The following ATP2B2 variants were observed in gnomAD, a reference collection of about 807,000 sequenced individuals.
ATP2B2 encodes ATPase plasma membrane Ca2+ transporting 2, also known as plasma membrane calcium-transporting ATPase 2.
Under a neutral mutation model 120.0 loss-of-function variants are expected in ATP2B2, and 15 were observed. That is an observed-to-expected ratio of 0.12 (90% CI 0.08 to 0.19). The LOEUF is 0.19. Ranked by LOEUF, ATP2B2 falls within the 10% of genes least tolerant of loss-of-function variation. The probability of loss-of-function intolerance (pLI) is 1.00; values close to 1 mark genes in which losing one functional copy is unlikely to be tolerated. For missense variants in ATP2B2, 1,045 were observed against 1,719.8 expected (o/e 0.61, Z 6.94); for synonymous variants, 694 against 700.3 (o/e 0.99, Z 0.14).
intron 2 of ATP2B2, among the ~76,000 whole-genome samples, chr3:10,548,129 A>ATCT (rs1419807676): frequency 4.6e-5 from 7 of 152,228 alleles, no homozygotes; most frequent in Admixed American, 1.3e-4. Flanking sequence ...GGTTCTAAGG[A>ATCT]GTAGAGCCCA....
At chr3:10,680,992 C>T (rs1392261709) in intron 1 of ATP2B2, among the ~76,000 whole-genome samples, 4 of 152,124 alleles carry the variant, frequency 2.6e-5, no homozygotes, top group Non-Finnish European at 4.4e-5. Context: ...AGTGTGCTCT[C>T]GCGAGATCTG....
In ATP2B2 at chr3:10,343,880, G is replaced by A. The variant is rs1006040736; in HGVS notation, c.2704-915C>T. Among the ~76,000 whole-genome samples, 11 of 151,716 alleles carry A rather than the reference G, an allele frequency of 7.3e-5. No homozygotes were observed. Among genetic ancestry groups the A allele is most frequent in the Admixed American group, 2.6e-4 (4 of 15,210 alleles). ...CTGCCTCAGCCCCATTCTCCTCCTC[G>A]TCCTGTGGCTTTAGTTACATCCGTC... On this transcript the variant is annotated intron_variant, in intron 18 of 22. Transcript: ENST00000360273. The surrounding 1 kb of genome is among the most constrained non-coding windows in gnomAD (Gnocchi z 4.2).
At chr3:10,556,662 A>G (rs1036255223) in intron 2 of ATP2B2, among the ~76,000 whole-genome samples, 4 of 152,222 alleles carry the variant, frequency 2.6e-5, no homozygotes, top group African/African-American at 4.8e-5. Context: ...TGTTTGAGAA[A>G]CTGCAAGGAC....
intron 8 of ATP2B2, among the ~76,000 whole-genome samples, chr3:10,383,668 A>G (rs6767283): frequency 0.036 from 5,414 of 152,262 alleles, 336 homozygotes; most frequent in African/African-American, 0.12. Context: ...CAGTCTCCTC[A>G]TCTTTAAAGT....
chr3:10,637,906 A>G (rs1347365606), intron 1 of ATP2B2, among the ~76,000 whole-genome samples: 2 of 152,210 alleles, frequency 1.3e-5, no homozygotes, highest in South Asian at 2.1e-4. Context: ...GCCAGAAAAA[A>G]AAAAGCATTG....
At chr3:10,341,217 T>A (rs969613217) in intron 19 of ATP2B2, among the ~76,000 whole-genome samples, 1 of 152,194 alleles carries the variant, frequency 6.6e-6, no homozygotes, top group Non-Finnish European at 1.5e-5. Flanking sequence ...CCCTCCCATG[T>A]GGCTTCATTC....
chr3:10,356,428 A>G (rs2125436612), intron 14 of ATP2B2, among the ~76,000 whole-genome samples: 1 of 152,334 alleles, frequency 6.6e-6, no homozygotes, highest in East Asian at 1.9e-4. Flanking sequence ...GAAACAAAGA[A>G]ATAGAAGAAC....
intron 2 of ATP2B2, among the ~76,000 whole-genome samples, chr3:10,594,539 G>A (rs1336357931): frequency 2.7e-5 from 4 of 148,168 alleles, no homozygotes; most frequent in Non-Finnish European, 4.4e-5. Context: ...GACACAGGAA[G>A]GGGGACATCA....
At chr3:10,592,643 C>T (rs910834656) in intron 2 of ATP2B2, among the ~76,000 whole-genome samples, 20 of 152,366 alleles carry the variant, frequency 1.3e-4, no homozygotes, top group Middle Eastern at 6.8e-3. Flanking sequence ...GAAACACCCA[C>T]GGCCACACCA....
At chr3:10,573,151 A>ATT (rs61701156) in intron 2 of ATP2B2, among the ~76,000 whole-genome samples, 1,723 of 146,384 alleles carry the variant, frequency 0.012, 22 homozygotes, top group Non-Finnish European at 0.016. Flanking sequence ...AGCCAAATAC[A>ATT]TTTTTTTTTT....
At chr3:10,369,734 G>T (rs2061171707) in intron 12 of ATP2B2, among the ~76,000 whole-genome samples, 1 of 152,192 alleles carries the variant, frequency 6.6e-6, no homozygotes, top group Admixed American at 6.5e-5. Context: ...AGGAAACTGA[G>T]GCACCAAGAG....
At chr3:10,667,238 T>C (rs990692895) in intron 1 of ATP2B2, among the ~76,000 whole-genome samples, 3 of 152,242 alleles carry the variant, frequency 2.0e-5, no homozygotes, top group East Asian at 1.9e-4. Flanking sequence ...CCCTATTTTA[T>C]AGATGAGGAA....
intron 12 of ATP2B2, among the ~76,000 whole-genome samples, chr3:10,370,992 A>G (rs2061224021): frequency 6.6e-6 from 1 of 152,202 alleles, no homozygotes. Flanking sequence ...ATCAAAATGA[A>G]TAATATTACT....
At chr3:10,548,742 T>C (rs912434802) in intron 2 of ATP2B2, among the ~76,000 whole-genome samples, 29 of 152,234 alleles carry the variant, frequency 1.9e-4, no homozygotes, top group African/African-American at 7.0e-4. Context: ...CGTCATCTTA[T>C]GATCTGCTTC....
chr3:10,329,151 A>G lies in ATP2B2; in HGVS notation c.3421-26T>C. 1 of 1,548,668 alleles carries G rather than the reference A, an allele frequency of 6.5e-7. No individual in the cohort carries two copies. The highest frequency in any genetic ancestry group is 8.7e-7 in the Non-Finnish European group (1 of 1,143,094). On this transcript the variant is annotated intron_variant, in intron 22 of 22. Coordinates refer to ENST00000360273, the MANE Select transcript of ATP2B2 (RefSeq NM_001001331.4). This position sits in a 1 kb window ranked among gnomAD's most constrained non-coding sequence, Gnocchi z 5.9. ...CTGCAAGGGAAGCACAGGGGTCAGG[A>G]GCACTGCCCAGGGACCACAGCCAGG...
At chr3:10,413,645 G>A (rs1443133151) in intron 2 of ATP2B2, among the ~76,000 whole-genome samples, 2 of 152,170 alleles carry the variant, frequency 1.3e-5, no homozygotes, top group African/African-American at 2.4e-5. Context: ...GTGCAGGCAC[G>A]GCACACTGTA....
Position 10,377,171 on chromosome 3 carries a change from C to T in ATP2B2, c.1201+1081G>A, listed in dbSNP as rs569761753. 2.7e-4 allele frequency among the ~76,000 whole-genome samples: 41 copies of T among 152,252 alleles called. No homozygotes were observed. In the South Asian group the frequency reaches 8.3e-3, roughly 31 times the overall value. On this transcript the variant is annotated intron_variant, in intron 10 of 22. Transcript: ENST00000360273. ...TTGTTCTCATCGCTTCGTTCCCGGC[C>T]CTGTCAGTGCCATGTTTCCATAGAG...
At chr3:10,625,816 T>G (rs568159900) in intron 1 of ATP2B2, among the ~76,000 whole-genome samples, 1 of 152,210 alleles carries the variant, frequency 6.6e-6, no homozygotes, top group East Asian at 1.9e-4. Flanking sequence ...GTGCGCGTAT[T>G]GTATGTTTAA....
intron 1 of ATP2B2, among the ~76,000 whole-genome samples, chr3:10,670,282 T>C (rs1279506022): frequency 1.3e-5 from 2 of 152,210 alleles, no homozygotes; most frequent in Non-Finnish European, 2.9e-5. Flanking sequence ...TCTCTGAAGA[T>C]AATGACCAAG....
Sources: allele counts gnomAD v4.1 joint callset (sites outside exome capture counted in the v4.1 genomes callset), GRCh38; gene constraint gnomAD v4.1.1; non-coding constraint Gnocchi (gnomAD v3.1); transcripts MANE v1.5; gene names NCBI Gene and HGNC (gene_info 2026-07-23, HGNC 2026-07-21).